ADARB2: variants seen among roughly 807,000 people sequenced by gnomAD.
The protein encoded by ADARB2 is adenosine deaminase RNA specific B2 (inactive).
ADARB2 carries 25 observed loss-of-function variants against 62.2 expected under a neutral mutation model. The observed-to-expected ratio is 0.40, with a 90% CI of 0.29 to 0.56. The LOEUF is 0.56. Among genes scored for constraint, ADARB2 ranks in the 20% least tolerant of loss-of-function variants. The probability of loss-of-function intolerance (pLI) is 0.43; values close to 1 mark genes in which losing one functional copy is unlikely to be tolerated. For missense variants in ADARB2, 1,071 were observed against 1,077.4 expected, an observed-to-expected ratio of 0.99 and a Z score of 0.08; for synonymous variants, 572 against 500.8, an observed-to-expected ratio of 1.14 and a Z score of -1.90.
intron 3 of ADARB2, among the ~76,000 whole-genome samples, chr10:1,297,255 T>G (rs1011449648): frequency 6.6e-5 from 10 of 152,052 alleles, no homozygotes; most frequent in Non-Finnish European, 1.0e-4. Context: ...CCGTCGGCCT[T>G]GGGTATGGAG....
At chr10:1,540,552 C>T (rs1161630243) in intron 1 of ADARB2, among the ~76,000 whole-genome samples, 5 of 87,836 alleles carry the variant, frequency 5.7e-5, no homozygotes, top group African/African-American at 2.3e-4. Flanking sequence ...GGATCACAGC[C>T]GTCCAGACCC....
intron 1 of ADARB2, among the ~76,000 whole-genome samples, chr10:1,497,156 A>G (rs1347151926): frequency 6.6e-6 from 1 of 152,226 alleles, no homozygotes; most frequent in Non-Finnish European, 1.5e-5. Context: ...CACTTGACTA[A>G]GAAGTTATTG....
At chr10:1,513,091 G>T (rs1181799210) in intron 1 of ADARB2, among the ~76,000 whole-genome samples, 1 of 152,150 alleles carries the variant, frequency 6.6e-6, no homozygotes, top group Non-Finnish European at 1.5e-5. Flanking sequence ...CACACTGAAT[G>T]GTAACTTTGG....
chr10:1,699,205 C>T (rs929203324), intron 1 of ADARB2, among the ~76,000 whole-genome samples: 10 of 152,040 alleles, frequency 6.6e-5, no homozygotes, highest in African/African-American at 2.2e-4. Flanking sequence ...CCAATACACG[C>T]AATCCCACTC....
intron 1 of ADARB2, among the ~76,000 whole-genome samples, chr10:1,627,227 T>A (rs985030080): frequency 1.3e-5 from 2 of 152,122 alleles, no homozygotes; most frequent in Non-Finnish European, 2.9e-5. Context: ...GATTGATTTA[T>A]TGATTTAGAG....
intron 1 of ADARB2, among the ~76,000 whole-genome samples, chr10:1,430,965 C>G (rs1445301008): frequency 6.6e-6 from 1 of 152,132 alleles, no homozygotes; most frequent in Non-Finnish European, 1.5e-5. Context: ...CAATAGTTAC[C>G]TTGGGGTCTG....
chr10:1,713,091 G>C (rs536067445), intron 1 of ADARB2, among the ~76,000 whole-genome samples: 1 of 152,280 alleles, frequency 6.6e-6, no homozygotes, highest in Non-Finnish European at 1.5e-5. Flanking sequence ...GAGAAAAAAA[G>C]CATAGTTGTT....
chr10:1,560,726 G>A (rs1289428967), intron 1 of ADARB2, among the ~76,000 whole-genome samples: 1 of 152,202 alleles, frequency 6.6e-6, no homozygotes, highest in Non-Finnish European at 1.5e-5. Context: ...AGCAGGGTCA[G>A]GAGCCGAGGA....
intron 4 of ADARB2, among the ~76,000 whole-genome samples, chr10:1,249,385 T>G (rs1589165214): frequency 1.4e-5 from 2 of 145,566 alleles, no homozygotes; most frequent in African/African-American, 5.2e-5. Context: ...GAGGTTGGAG[T>G]GAGCTGAGAT....
chr10:1,694,989 C>T (rs931369697), intron 1 of ADARB2, among the ~76,000 whole-genome samples: 2 of 152,268 alleles, frequency 1.3e-5, no homozygotes, highest in East Asian at 1.9e-4. Context: ...CCTTGCGACT[C>T]GCCATGGTTC....
At chr10:1,422,718 A>G (rs1292536002) in intron 1 of ADARB2, among the ~76,000 whole-genome samples, 1 of 152,204 alleles carries the variant, frequency 6.6e-6, no homozygotes, top group East Asian at 1.9e-4. Context: ...TGCTGTAACA[A>G]TGACCACCCA....
At chr10:1,374,198 C>T (rs1049234723) in intron 2 of ADARB2, among the ~76,000 whole-genome samples, 3 of 152,196 alleles carry the variant, frequency 2.0e-5, no homozygotes, top group Admixed American at 1.3e-4. Context: ...TATCCTTCCA[C>T]TGTAGAAATT....
In ADARB2 at chr10:1,370,462, G is replaced by A. The variant is rs181097318; in HGVS notation, c.188-6545C>T. Among the ~76,000 whole-genome samples, 61 of 152,278 alleles carry A rather than the reference G, an allele frequency of 4.0e-4. No individual in the cohort carries two copies. The East Asian group carries it at 0.011, about 28-fold the overall frequency. On this transcript the variant is annotated intron_variant, in intron 2 of 9. Transcript: ENST00000381312. Reference sequence around the variant, plus strand: ...AGTCCTAACCAGAGAAATCAGGCAAGAGAAAGAAATAAAAGACATCCAAAT... The same window carrying A: ...AGTCCTAACCAGAGAAATCAGGCAAAAGAAAGAAATAAAAGACATCCAAAT...
chr10:1,240,765 T>C (rs3793735), intron 5 of ADARB2, among the ~76,000 whole-genome samples: 41,633 of 152,166 alleles, frequency 0.27, 7,175 homozygotes, highest in South Asian at 0.5. Context: ...TCCTGGTAAA[T>C]ATTGGTCCAG....
intron 8 of ADARB2, among the ~76,000 whole-genome samples, chr10:1,197,811 A>T (rs1470860294): frequency 6.6e-6 from 1 of 152,202 alleles, no homozygotes; most frequent in Non-Finnish European, 1.5e-5. Context: ...TTTTTTCTTG[A>T]TGAAGAGAAA....
intron 1 of ADARB2, chr10:1,535,602 C>T (rs957508887): frequency 4.2e-5 from 7 of 167,454 alleles, no homozygotes; most frequent in Admixed American, 6.5e-5. Context: ...ACGGCAATGT[C>T]GCTGATGGCG....
chr10:1,379,841 G>C (rs1260677527), intron 1 of ADARB2, among the ~76,000 whole-genome samples: 5 of 152,186 alleles, frequency 3.3e-5, no homozygotes, highest in African/African-American at 1.2e-4. Flanking sequence ...CTACCACAGT[G>C]AGTGCAGCAC....
chr10:1,683,117 C>T (rs574131289), intron 1 of ADARB2, among the ~76,000 whole-genome samples: 85 of 152,268 alleles, frequency 5.6e-4, no homozygotes, highest in Admixed American at 1.9e-3. Context: ...GACATGATTT[C>T]TCATTCACAG....
chr10:1,297,170 T>A (rs1831530620), intron 3 of ADARB2, among the ~76,000 whole-genome samples: 1 of 152,186 alleles, frequency 6.6e-6, no homozygotes, highest in South Asian at 2.1e-4. Flanking sequence ...AGAAACGAAA[T>A]TATCCTGGCC....
Sources: allele counts gnomAD v4.1 joint callset (sites outside exome capture counted in the v4.1 genomes callset), GRCh38; gene constraint gnomAD v4.1.1; transcripts MANE v1.5; gene names NCBI Gene and HGNC (gene_info 2026-07-23, HGNC 2026-07-21).